Variants in ANKRD45 observed in about 807,000 individuals in gnomAD.
ANKRD45 encodes the protein ankyrin repeat domain-containing protein 45.
ANKRD45 carries 21 observed loss-of-function variants against 28.1 expected under a neutral mutation model. The ratio of observed to expected loss-of-function variants is 0.75; its 90% confidence interval spans 0.53 to 1.08. ANKRD45 has a LOEUF of 1.08. Ranked by LOEUF, ANKRD45 falls within the 50% of genes least tolerant of loss-of-function variation. The pLI, the probability that ANKRD45 is intolerant of heterozygous loss-of-function variation, is 0.00. For synonymous variants in ANKRD45, 86 were observed against 103.9 expected (o/e 0.83, Z 1.05); for missense variants, 261 against 308.7 (o/e 0.85, Z 1.16).
intron 3 of ANKRD45, among the ~76,000 whole-genome samples, chr1:173,634,742 T>C (rs770678659): frequency 6.6e-6 from 1 of 151,998 alleles, no homozygotes; most frequent in Non-Finnish European, 1.5e-5. Context: ...ATCAGAATCA[T>C]TTTAATTATT....
At chr1:173,638,330 C>G in intron 3 of ANKRD45, among the ~76,000 whole-genome samples, 1 of 151,902 alleles carries the variant, frequency 6.6e-6, no homozygotes, top group East Asian at 1.9e-4. Context: ...TGAGCCTTGC[C>G]GGGAAAAGAA....
chr1:173,686,335 CT>C, the ANKRD45 span, among the ~76,000 whole-genome samples: 1 of 152,182 alleles, frequency 6.6e-6, no homozygotes, highest in East Asian at 1.9e-4. Flanking sequence ...TTTTTCTTAG[CT>C]TTAGTTTGGT....
chr1:173,611,554 C>T (rs1667150082), intron 5 of ANKRD45, among the ~76,000 whole-genome samples: 1 of 148,412 alleles, frequency 6.7e-6, no homozygotes, highest in African/African-American at 2.5e-5. Context: ...TTAAATTGGA[C>T]CCCTATGGCC....
intron 3 of ANKRD45, chr1:173,635,905 T>C: frequency 8.0e-7 from 1 of 1,247,418 alleles, no homozygotes; most frequent in Non-Finnish European, 1.1e-6. Flanking sequence ...GAACATAATA[T>C]TACTAGTTTC....
At chr1:173,711,616 T>C in the ANKRD45 span, among the ~76,000 whole-genome samples, 1 of 152,232 alleles carries the variant, frequency 6.6e-6, no homozygotes, top group Non-Finnish European at 1.5e-5. Flanking sequence ...CTTAGTGATT[T>C]TGGGGGCCCA....
chr1:173,693,473 C>T, the ANKRD45 span, among the ~76,000 whole-genome samples: 1 of 152,172 alleles, frequency 6.6e-6, no homozygotes, highest in African/African-American at 2.4e-5. Flanking sequence ...CTGGCAAATG[C>T]ATAACCACTT....
At chr1:173,674,002 A>G (rs993257959), upstream of ANKRD45, among the ~76,000 whole-genome samples, 4 of 151,870 alleles carry the variant, frequency 2.6e-5, no homozygotes, top group African/African-American at 9.7e-5. Flanking sequence ...ATTTTCTGTG[A>G]GGGAACCTTT....
chr1:173,617,242 G>A (rs1667502364), intron 5 of ANKRD45, among the ~76,000 whole-genome samples: 1 of 152,150 alleles, frequency 6.6e-6, no homozygotes, highest in African/African-American at 2.4e-5. Flanking sequence ...CCTAGGAATA[G>A]GGCTGAATCC....
intron 5 of ANKRD45, among the ~76,000 whole-genome samples, chr1:173,613,567 C>CCG (rs1553264320): frequency 6.8e-6 from 1 of 148,136 alleles, no homozygotes; most frequent in African/African-American, 2.5e-5. Flanking sequence ...GGTCAGCCCC[C>CCG]CCCCCGGCCA....
intron 3 of ANKRD45, chr1:173,635,297 T>C (rs1195972747): frequency 4.3e-6 from 2 of 462,430 alleles, no homozygotes; most frequent in African/African-American, 3.9e-5. Context: ...TCACTATGAC[T>C]GATGATGTTA....
intron 5 of ANKRD45, among the ~76,000 whole-genome samples, chr1:173,622,482 G>C (rs1667746650): frequency 1.3e-5 from 2 of 152,126 alleles, no homozygotes; most frequent in South Asian, 4.1e-4. Flanking sequence ...GAAAAGAATA[G>C]AGAACTCAGA....
chr1:173,656,665 T>C (rs1669530777), intron 2 of ANKRD45, among the ~76,000 whole-genome samples: 1 of 152,154 alleles, frequency 6.6e-6, no homozygotes, highest in African/African-American at 2.4e-5. Context: ...TCTTCAGAGC[T>C]CATAAAAGCT....
chr1:173,697,725 A>G, the ANKRD45 span, among the ~76,000 whole-genome samples: 6 of 152,370 alleles, frequency 3.9e-5, no homozygotes, highest in East Asian at 1.2e-3. Flanking sequence ...AAAATGGTAA[A>G]GACCATCGAT....
At chr1:173,702,855 T>A in the ANKRD45 span, among the ~76,000 whole-genome samples, 3 of 151,808 alleles carry the variant, frequency 2.0e-5, no homozygotes, top group African/African-American at 7.2e-5. Context: ...CTGAAGTCAT[T>A]AGGACAATAG....
rs973713840 is a variant in ANKRD45, at chr1:173,647,091, T to C, written c.329-78A>G. ...TAATTTATGTAGTGGAAGATCATAA[T>C]GGTGATCAAGTATTGAACAATTACT... On this transcript the variant is annotated intron_variant, in intron 2 of 5. Transcript: ENST00000333279. 5 of 1,399,930 alleles carry C rather than the reference T, an allele frequency of 3.6e-6. No individual in the cohort carries two copies. The Admixed American group carries it at 5.6e-5, about 16-fold the overall frequency. 86.7% of individuals were successfully genotyped at this position (1,399,930 alleles called of 1,614,324 possible). A position where few individuals can be genotyped will look rare whatever the true frequency, so the allele number is the denominator to read the frequency against.
chr1:173,648,993 C>G (rs1669056529), intron 2 of ANKRD45, among the ~76,000 whole-genome samples: 2 of 152,152 alleles, frequency 1.3e-5, no homozygotes, highest in Non-Finnish European at 2.9e-5. Flanking sequence ...CTTAACCAAT[C>G]TATTACAGAA....
chr1:173,644,922 G>A (rs565213672), intron 3 of ANKRD45, among the ~76,000 whole-genome samples: 37 of 151,496 alleles, frequency 2.4e-4, no homozygotes, highest in African/African-American at 8.2e-4. Context: ...GAACCCGGGA[G>A]GCATAGGTTG....
intron 5 of ANKRD45, among the ~76,000 whole-genome samples, chr1:173,617,409 T>G (rs1031484658): frequency 2.0e-5 from 3 of 152,228 alleles, no homozygotes; most frequent in Non-Finnish European, 4.4e-5. Flanking sequence ...CATCCATTTC[T>G]GCAGTTTGTT....
At chr1:173,623,448 G>T (rs1288852286) in intron 5 of ANKRD45, among the ~76,000 whole-genome samples, 1 of 152,002 alleles carries the variant, frequency 6.6e-6, no homozygotes, top group Non-Finnish European at 1.5e-5. Context: ...TTATTAAAAA[G>T]CCCAGAAACA....
Sources: allele counts gnomAD v4.1 joint callset (sites outside exome capture counted in the v4.1 genomes callset), GRCh38; gene constraint gnomAD v4.1.1; transcripts MANE v1.5; gene names NCBI Gene and HGNC (gene_info 2026-07-23, HGNC 2026-07-21).